PSD3: variants seen among roughly 807,000 people sequenced by gnomAD.
PSD3 encodes the protein PH and SEC7 domain-containing protein 3.
A neutral mutation model predicts 105.5 loss-of-function variants in PSD3; 49 were observed. The ratio of observed to expected loss-of-function variants is 0.46; its 90% confidence interval spans 0.37 to 0.59. PSD3 has a LOEUF of 0.59. PSD3 is among the 20% of genes least tolerant of loss of function. The pLI, the probability that PSD3 is intolerant of heterozygous loss-of-function variation, is 0.00. For missense variants in PSD3, 1,561 were observed against 1,263.8 expected (o/e 1.24, Z -3.57); for synonymous variants, 557 against 457.8 (o/e 1.22, Z -2.77).
chr8:18,957,173 C>G (rs1169084782), intron 1 of PSD3, among the ~76,000 whole-genome samples: 1 of 151,928 alleles, frequency 6.6e-6, no homozygotes, highest in Non-Finnish European at 1.5e-5. Context: ...GAGATTGAGA[C>G]CATCCTGGCC....
chr8:18,863,905 T>TC (rs1816637176), intron 4 of PSD3, among the ~76,000 whole-genome samples: 1 of 152,138 alleles, frequency 6.6e-6, no homozygotes. Context: ...TGGAAGGCAT[T>TC]CCTGAGAGAA....
chr8:18,913,128 CCTT>C (rs1301405359), intron 2 of PSD3, among the ~76,000 whole-genome samples: 1 of 150,310 alleles, frequency 6.7e-6, no homozygotes, highest in East Asian at 2.0e-4. Flanking sequence ...CACACACTCT[CCTT>C]CTCCTATTTC....
At chr8:18,685,709 T>C (rs887979024) in intron 9 of PSD3, among the ~76,000 whole-genome samples, 4 of 152,136 alleles carry the variant, frequency 2.6e-5, no homozygotes, top group African/African-American at 7.2e-5. Context: ...TGGTGTACTA[T>C]AGCAGTAAAA....
intron 4 of PSD3, among the ~76,000 whole-genome samples, chr8:18,834,420 A>G (rs1813926727): frequency 6.6e-6 from 1 of 152,182 alleles, no homozygotes; most frequent in African/African-American, 2.4e-5. Flanking sequence ...GGCAAAATAC[A>G]TTGTACTGAG....
chr8:18,728,135 T>C (rs1258669162), intron 9 of PSD3, among the ~76,000 whole-genome samples: 1 of 151,996 alleles, frequency 6.6e-6, no homozygotes, highest in Non-Finnish European at 1.5e-5. Flanking sequence ...TCATTATAGG[T>C]TCAGGTCAAG....
chr8:18,913,544 C>T (rs1033978173), intron 2 of PSD3, among the ~76,000 whole-genome samples: 34 of 152,170 alleles, frequency 2.2e-4, no homozygotes, highest in African/African-American at 7.7e-4. Context: ...CCTCAGGGGC[C>T]TCATGCTCTA....
chr8:18,604,221 G>A (rs1281395230), intron 11 of PSD3, among the ~76,000 whole-genome samples: 1 of 152,206 alleles, frequency 6.6e-6, no homozygotes, highest in Non-Finnish European at 1.5e-5. Flanking sequence ...GCAAAGGCAA[G>A]GCTAACAAGG....
chr8:18,619,761 C>A lies in PSD3; in HGVS notation c.2410+12852G>T, dbSNP rs58324520. Among the ~76,000 whole-genome samples the A allele has an allele frequency of 9.5e-3, 1,442 of 152,250 alleles. 24 individuals are homozygous for A. Among genetic ancestry groups the A allele is most frequent in the African/African-American group, 0.033 (1,391 of 41,548 alleles). On this transcript the variant is annotated intron_variant, in intron 11 of 15. Coordinates refer to ENST00000327040, the MANE Select transcript of PSD3 (RefSeq NM_015310.4). Reference sequence around the variant, plus strand: ...TAACCTGGTATAACGTGGCTTACTCCCCAACCTGACTCTGGTATAGCATCA... The same window carrying A: ...TAACCTGGTATAACGTGGCTTACTCACCAACCTGACTCTGGTATAGCATCA...
chr8:18,952,281 T>G (rs1293924831), intron 1 of PSD3, among the ~76,000 whole-genome samples: 1 of 152,186 alleles, frequency 6.6e-6, no homozygotes. Flanking sequence ...TATCTTTACA[T>G]CCATAATTGG....
intron 4 of PSD3, among the ~76,000 whole-genome samples, chr8:18,865,962 T>C (rs1018277676): frequency 1.3e-5 from 2 of 152,174 alleles, no homozygotes; most frequent in Non-Finnish European, 2.9e-5. Context: ...AAGCCGCACA[T>C]TTAATAAACC....
At chr8:18,832,527 A>G (rs13256850) in intron 4 of PSD3, among the ~76,000 whole-genome samples, 1 of 151,956 alleles carries the variant, frequency 6.6e-6, no homozygotes, top group African/African-American at 2.4e-5. Flanking sequence ...GTTCACCAAT[A>G]ACATGTCAAG....
chr8:18,805,370 G>C (rs558023989), intron 4 of PSD3, among the ~76,000 whole-genome samples: 1 of 152,138 alleles, frequency 6.6e-6, no homozygotes, highest in Admixed American at 6.5e-5. Flanking sequence ...TGAATTCTAA[G>C]AGCCATTTCT....
At chr8:18,620,436 A>G (rs373907104) in intron 11 of PSD3, among the ~76,000 whole-genome samples, 10 of 150,988 alleles carry the variant, frequency 6.6e-5, no homozygotes, top group African/African-American at 2.4e-4. Context: ...AGGGCCAGGC[A>G]TGGTGGCTTA....
intron 9 of PSD3, among the ~76,000 whole-genome samples, chr8:18,699,256 C>T (rs1434101254): frequency 1.3e-5 from 2 of 152,072 alleles, no homozygotes; most frequent in Non-Finnish European, 2.9e-5. Flanking sequence ...CATAAGTCCC[C>T]GAAGATGATG....
At chr8:19,006,436 C>T (rs1189459707) in intron 1 of PSD3, among the ~76,000 whole-genome samples, 2 of 152,024 alleles carry the variant, frequency 1.3e-5, no homozygotes, top group African/African-American at 4.8e-5. Context: ...TATCCCCACG[C>T]TTTTGTATTG....
intron 1 of PSD3, among the ~76,000 whole-genome samples, chr8:18,991,508 G>T (rs1470736458): frequency 2.0e-5 from 3 of 151,984 alleles, no homozygotes; most frequent in Non-Finnish European, 4.4e-5. Context: ...TGCTTTTATT[G>T]ATAGCTGAAC....
At chr8:18,792,989 T>C (rs1037799253) in intron 8 of PSD3, among the ~76,000 whole-genome samples, 2 of 152,202 alleles carry the variant, frequency 1.3e-5, no homozygotes, top group Non-Finnish European at 2.9e-5. Flanking sequence ...TGGAATACTA[T>C]GCAGCCATAA....
chr8:18,557,122 C>A (rs914687834), intron 14 of PSD3, among the ~76,000 whole-genome samples: 3 of 152,170 alleles, frequency 2.0e-5, no homozygotes, highest in Non-Finnish European at 4.4e-5. Flanking sequence ...TGTTACTGAA[C>A]CTTCTGCCAG....
chr8:18,985,322 T>C (rs565402593), intron 1 of PSD3, among the ~76,000 whole-genome samples: 161 of 152,258 alleles, frequency 1.1e-3, no homozygotes, highest in African/African-American at 3.7e-3. Flanking sequence ...TTATGAGCCT[T>C]TGGAGTCTCA....
Sources: allele counts gnomAD v4.1 joint callset (sites outside exome capture counted in the v4.1 genomes callset), GRCh38; gene constraint gnomAD v4.1.1; transcripts MANE v1.5; gene names NCBI Gene and HGNC (gene_info 2026-07-23, HGNC 2026-07-21).